IPO8: variants seen among roughly 807,000 people sequenced by gnomAD.
IPO8 encodes importin-8.
In IPO8, 65 loss-of-function variants were observed where a neutral mutation model predicts 141.2. The ratio of observed to expected loss-of-function variants is 0.46; its 90% CI spans 0.38 to 0.57. The LOEUF (loss-of-function observed/expected upper bound fraction) is 0.57, where lower values mean the gene tolerates loss of function less well. IPO8 is among the 20% of genes least tolerant of loss of function. The pLI is 0.00. For missense variants in IPO8, 980 were observed against 1,246.8 expected (o/e 0.79, Z 3.22); for synonymous variants, 411 against 420.3 (o/e 0.98, Z 0.27).
Position 30,639,689 on chromosome 12 carries a change from C to G in IPO8, c.2315G>C (p.Gly772Ala). 6.2e-7 allele frequency: 1 copy of G among 1,614,048 alleles called. No individual in the cohort carries two copies. Among genetic ancestry groups the G allele is most frequent in the Non-Finnish European group, 8.5e-7 (1 of 1,180,004 alleles). The part of the protein sequence containing the change: ...VQLVLERLTR[G>A]VKTSELRTMC... Reference sequence around the variant, plus strand: ...AGTACGAAGCTCACTAGTTTTGACCCCTCGAGTTAATCTCTCCAAAACAAG... The same window carrying G: ...AGTACGAAGCTCACTAGTTTTGACCGCTCGAGTTAATCTCTCCAAAACAAG... Residue 772 changes from glycine to alanine, a missense_variant, in exon 21 of 25, where the codon GGG becomes GCG. Around this residue, in one of 3 missense-constraint regions of IPO8, gnomAD observed 924 missense variants for 1,153.9 expected, o/e 0.80. Transcript: ENST00000256079.
At chr12:30,681,624 A>C (rs775846649) in intron 4 of IPO8, 35 bp downstream of exon 4, 18 of 1,590,072 alleles carry the variant, frequency 1.1e-5, no homozygotes, top group Non-Finnish European at 1.5e-5. Flanking sequence ...AAGTTACACA[A>C]GGCTGCTTTC....
chr12:30,657,237 G>A (rs777528080), intron 16 of IPO8, among the ~76,000 whole-genome samples: 5 of 152,072 alleles, frequency 3.3e-5, no homozygotes, highest in Non-Finnish European at 7.4e-5. Flanking sequence ...CATAAAATTA[G>A]TGAATTTTTA....
rs749498246 is a variant in IPO8 at position 30,674,008 on chromosome 12, A to G, written c.891T>C (p.Tyr297=). 10 of 1,589,432 alleles carry G rather than the reference A, an allele frequency of 6.3e-6. No homozygotes were observed. The East Asian group carries it at 2.0e-4, about 32-fold the overall frequency. ...TTATTACCTGCTGAATGCCCACTGC[A>G]TAGGTTTTCAAAAAGAATTCAGAAA... is the stretch of plus-strand genomic sequence containing the variant. ...FEFSEFFLKT[Y]AVGIQQVLLK... The change falls in exon 8 of 25, where the codon TAT becomes TAC. Residue 297 remains tyrosine (Y), a synonymous_variant. Coordinates refer to ENST00000256079, the MANE Select transcript of IPO8 (RefSeq NM_006390.4).
At chr12:30,670,234 T>C (rs1442826502) in intron 9 of IPO8, among the ~76,000 whole-genome samples, 1 of 152,218 alleles carries the variant, frequency 6.6e-6, no homozygotes, top group African/African-American at 2.4e-5. Flanking sequence ...AGACGGGTAA[T>C]AACACTAAAA....
At chr12:30,677,086 C>CA in intron 5 of IPO8, 1 of 1,514,632 alleles carries the variant, frequency 6.6e-7, no homozygotes, top group Non-Finnish European at 8.8e-7. Context: ...ATATTGCCTC[C>CA]ACATCCATTC....
Position 30,665,814 on chromosome 12 carries a change from T to G in IPO8, c.1253A>C (p.Gln418Pro), listed in dbSNP as rs2052956170. 6.2e-7 allele frequency: 1 copy of G among 1,613,498 alleles called. No homozygotes were observed. The highest frequency in any genetic ancestry group is 1.3e-5 in the African/African-American group (1 of 74,906). The part of the protein sequence containing the change: ...VLPKMMAFCY[Q>P]ILTDPNFDPR... ...GTCAAAGTTCGGGTCTGTCAGGATT[T>G]GATAACAGAATGCCATCATTTTTGG... is the stretch of plus-strand genomic sequence containing the variant. Residue 418 changes from glutamine (Q) to proline (P), a missense_variant, in exon 12 of 25, where the codon CAA (glutamine) becomes CCA (proline). Coordinates refer to ENST00000256079, the MANE Select transcript of IPO8 (RefSeq NM_006390.4).
chr12:30,637,218 A>C (rs1221910865), intron 21 of IPO8, 31 bp from the exon 22 acceptor site: 1 of 1,522,632 alleles, frequency 6.6e-7, no homozygotes, highest in East Asian at 2.3e-5. Flanking sequence ...AAAAATGTAG[A>C]CATGAGAAGT....
intron 23 of IPO8, among the ~76,000 whole-genome samples, chr12:30,633,878 G>C (rs976425040): frequency 6.6e-6 from 1 of 152,146 alleles, no homozygotes; most frequent in Admixed American, 6.6e-5. Context: ...AATGATGAAA[G>C]CTGCTAGGAT....
chr12:30,695,586 G>T lies in IPO8; in HGVS notation c.62C>A (p.Ala21Glu). The change falls in exon 1 of 25, where the codon GCA becomes GAA. Residue 21 changes from alanine (A) to glutamate (E), a missense_variant. Coordinates refer to ENST00000256079, the MANE Select transcript of IPO8 (RefSeq NM_006390.4). This position sits in a 1 kb window ranked among gnomAD's most constrained non-coding sequence, Gnocchi z 4.2. Reference sequence around the variant, plus strand: ...CACCTGGTTGAGCTCGTTCTCGGCTGCAATCCGCAACTTCGGGTCGATGGT... The same window carrying T: ...CACCTGGTTGAGCTCGTTCTCGGCTTCAATCCGCAACTTCGGGTCGATGGT... ...KGTIDPKLRI[A>E]AENELNQSYK... The T allele has an allele frequency of 6.2e-7, 1 of 1,614,056 alleles. No individual in the cohort carries two copies. The highest frequency in any genetic ancestry group is 8.5e-7 in the Non-Finnish European group (1 of 1,179,938).
At chr12:30,631,737 T>A in intron 24 of IPO8, 158 bp downstream of exon 24, 1 of 593,284 alleles carries the variant, frequency 1.7e-6, no homozygotes, top group South Asian at 2.1e-5. Flanking sequence ...CATGAGTGAT[T>A]AAAACAATCA....
chr12:30,638,017 G>A (rs548019776), intron 21 of IPO8, among the ~76,000 whole-genome samples: 2 of 152,080 alleles, frequency 1.3e-5, no homozygotes, highest in Non-Finnish European at 2.9e-5. Context: ...CAACTAGTAC[G>A]CTATAACAGA....
At chr12:30,653,164 G>C (rs940192961) in intron 17 of IPO8, 72 bp from the exon 18 acceptor site, 16 of 1,386,882 alleles carry the variant, frequency 1.2e-5, no homozygotes, top group Middle Eastern at 2.1e-4. Context: ...ACACAGAGGA[G>C]GGTTTAGACT....
At chr12:30,669,600 C>G (rs185471823) in intron 9 of IPO8, among the ~76,000 whole-genome samples, 1 of 151,794 alleles carries the variant, frequency 6.6e-6, no homozygotes, top group Non-Finnish European at 1.5e-5. Context: ...CAAGACCAGC[C>G]TGGGCACTGT....
At chr12:30,673,258 C>CA (rs902079216) in intron 8 of IPO8, among the ~76,000 whole-genome samples, 61 of 149,330 alleles carry the variant, frequency 4.1e-4, no homozygotes, top group Middle Eastern at 3.4e-3. Flanking sequence ...GACTCCATCT[C>CA]AAAAAAAAAA....
intron 10 of IPO8, among the ~76,000 whole-genome samples, chr12:30,666,581 C>T (rs2052968226): frequency 6.6e-6 from 1 of 152,152 alleles, no homozygotes; most frequent in Non-Finnish European, 1.5e-5. Flanking sequence ...TTACTATGTG[C>T]CAGGTACCAT....
chr12:30,676,480 G>T lies in IPO8; in HGVS notation c.729+18C>A. The T allele has an allele frequency of 6.3e-7, 1 of 1,585,282 alleles. No homozygotes were observed. Among genetic ancestry groups the T allele is most frequent in the South Asian group, 1.1e-5 (1 of 90,244 alleles). The stretch of plus-strand genomic sequence containing the variant: ...AAACCCGTTTCCCCTATTTTTCTTG[G>T]GAAAAGCTTTTTCTTACAGGAGGAA... On this transcript the variant is annotated intron_variant, in intron 6 of 24. Coordinates refer to ENST00000256079, the MANE Select transcript of IPO8 (RefSeq NM_006390.4).
Position 30,652,104 on chromosome 12 carries a change from G to A in IPO8, c.2172+88C>T, listed in dbSNP as rs1007104487. On this transcript the variant is annotated intron_variant, in intron 19 of 24. Coordinates refer to ENST00000256079, the MANE Select transcript of IPO8 (RefSeq NM_006390.4). The stretch of plus-strand genomic sequence containing the variant: ...ATGAAGATAATGCAGAACTAAATGT[G>A]TAAGAAACAAACTGAAAAAGTATCC... The A allele has an allele frequency of 1.0e-5, 7 of 683,182 alleles. No homozygotes were observed. The Admixed American group carries it at 2.0e-4, about 19-fold the overall frequency. The allele number at this position is 683,182 out of a possible 1,614,324, so 42.3% of individuals were successfully genotyped here.
chr12:30,645,443 C>G (rs1357412514), intron 20 of IPO8, among the ~76,000 whole-genome samples: 1 of 149,606 alleles, frequency 6.7e-6, no homozygotes, highest in African/African-American at 2.4e-5. Flanking sequence ...AAGCAAACAT[C>G]TCAAATCAAT....
Position 30,634,265 on chromosome 12 carries a change from T to C in IPO8, c.2717A>G (p.Glu906Gly), listed in dbSNP as rs1489056999. The C allele has an allele frequency of 1.2e-6, 2 of 1,613,618 alleles. No individual in the cohort carries two copies. Among genetic ancestry groups the C allele is most frequent in the South Asian group, 2.2e-5 (2 of 91,070 alleles). ...EENEEISSDEEETNVTAQAMQ... is the reference protein window; with the variant it reads ...EENEEISSDEGETNVTAQAMQ... ...TGCTTGAGCAGTTACATTTGTCTCC[T>C]CTTCATCACTTGAAATCTCCTCTGT... is the stretch of plus-strand genomic sequence containing the variant. Residue 906 changes from glutamate (E) to glycine (G), a missense_variant, in exon 23 of 25, where the codon GAG becomes GGG. This residue lies in a region of IPO8 where 924 missense variants were observed against 1,153.9 expected (regional missense o/e 0.80). Coordinates refer to ENST00000256079, the MANE Select transcript of IPO8 (RefSeq NM_006390.4).
Sources: allele counts gnomAD v4.1 joint callset (sites outside exome capture counted in the v4.1 genomes callset), GRCh38; gene constraint gnomAD v4.1.1; regional missense constraint gnomAD v4.1.1; non-coding constraint Gnocchi (gnomAD v3.1); transcripts MANE v1.5; gene names NCBI Gene and HGNC (gene_info 2026-07-23, HGNC 2026-07-21).